The following DOCK9 variants were observed in gnomAD, a reference collection of about 807,000 sequenced individuals.
DOCK9 encodes the protein dedicator of cytokinesis protein 9.
DOCK9 carries 89 observed loss-of-function variants against 263.3 expected under a neutral mutation model. That is an observed-to-expected ratio of 0.34 (90% confidence interval 0.28 to 0.40). DOCK9 has a LOEUF of 0.40. DOCK9 is among the 10% of genes least tolerant of loss of function. DOCK9 has a pLI of 1.00. For missense variants in DOCK9, 2,140 were observed against 2,603.4 expected (o/e 0.82, Z 3.87); for synonymous variants, 976 against 973.1 (o/e 1.00, Z -0.06).
chr13:98,858,441 G>C (rs1337023308), intron 33 of DOCK9: 1 of 152,174 alleles, frequency 6.6e-6, no homozygotes, highest in South Asian at 2.1e-4. Context: ...TGTGGAAACA[G>C]GATTCTTCTA....
upstream of DOCK9, chr13:99,088,313 G>A (rs2042392905): frequency 6.6e-6 from 1 of 152,256 alleles, no homozygotes; most frequent in Non-Finnish European, 1.5e-5. Flanking sequence ...AGTGGAGCTG[G>A]GTGACAGAGC....
rs529588152 is a variant in DOCK9 at position 98,881,906 on chromosome 13, C to T, written c.2661G>A (p.Ala887=). 32 of 1,580,710 alleles carry T rather than the reference C, an allele frequency of 2.0e-5. No individual in the cohort carries two copies. The highest frequency in any genetic ancestry group is 4.0e-5 in the African/African-American group (3 of 74,484). ...VLTRATQEEV[A]VNVTRVIIHV... ...ACCTCCCTTACCGAGTCACGTTAAC[C>T]GCGACTTCTTCCTGTGTGGCTCTGG... Residue 887 remains alanine, a synonymous_variant, in exon 24 of 53, where the codon GCG becomes GCA. Coordinates refer to ENST00000682017, the MANE Select transcript of DOCK9 (RefSeq NM_001366683.2).
chr13:98,864,665 C>T (rs533111232), intron 30 of DOCK9, among the ~76,000 whole-genome samples: 22 of 152,286 alleles, frequency 1.4e-4, no homozygotes, highest in African/African-American at 4.8e-4. Context: ...AGTGTGCTCA[C>T]ACATCTATGG....
intron 13 of DOCK9, among the ~76,000 whole-genome samples, chr13:98,900,551 G>A (rs2048113840): frequency 6.6e-6 from 1 of 152,188 alleles, no homozygotes; most frequent in South Asian, 2.1e-4. Flanking sequence ...CTGGGTAAAT[G>A]GGCTTTTACT....
chr13:99,073,237 C>T (rs532372516), intron 1 of DOCK9, among the ~76,000 whole-genome samples: 3 of 152,266 alleles, frequency 2.0e-5, no homozygotes, highest in Non-Finnish European at 4.4e-5. Flanking sequence ...TGTCAATTCC[C>T]ATGCTTTGCC....
intron 2 of DOCK9, among the ~76,000 whole-genome samples, chr13:98,931,194 A>G (rs1248213406): frequency 2.6e-5 from 4 of 152,238 alleles, no homozygotes; most frequent in African/African-American, 9.6e-5. Context: ...TTAGGCTTAA[A>G]TGCTTCTTTT....
At chr13:98,925,323 A>C (rs2140165251) in intron 4 of DOCK9, among the ~76,000 whole-genome samples, 1 of 152,314 alleles carries the variant, frequency 6.6e-6, no homozygotes, top group African/African-American at 2.4e-5. Context: ...ACAACTATTC[A>C]ATCTAAATAC....
chr13:98,951,914 T>TTTTTTTTTTTTTTTTTTTTA (rs2057467177), intron 2 of DOCK9, among the ~76,000 whole-genome samples: 2 of 151,332 alleles, frequency 1.3e-5, no homozygotes, highest in Non-Finnish European at 2.9e-5. Context: ...TTTTTTTTTT[T>TTTTTTTTTTTTTTTTTTTTA]GAGATGGAGT....
At chr13:98,955,733 C>T (rs1318308448) in intron 1 of DOCK9, among the ~76,000 whole-genome samples, 182 bp from the exon 2 acceptor site, 2 of 152,198 alleles carry the variant, frequency 1.3e-5, no homozygotes, top group Admixed American at 1.3e-4. Flanking sequence ...TGGGTGGTGT[C>T]CTGCTACACA....
chr13:98,996,957 G>T (rs1881192210), intron 1 of DOCK9, among the ~76,000 whole-genome samples: 1 of 152,186 alleles, frequency 6.6e-6, no homozygotes, highest in Admixed American at 6.5e-5. Flanking sequence ...AGTCCAATCG[G>T]TACTCATTCC....
At chr13:98,804,891 C>A in intron 49 of DOCK9, 108 bp downstream of exon 49, 1 of 1,134,408 alleles carries the variant, frequency 8.8e-7, no homozygotes, top group South Asian at 1.5e-5. Flanking sequence ...GTGGGGGTGG[C>A]TAACTGAGCT....
At chr13:98,923,498 C>T in intron 4 of DOCK9, 127 bp from the exon 5 acceptor site, 1 of 765,784 alleles carries the variant, frequency 1.3e-6, no homozygotes, top group Non-Finnish European at 2.2e-6. Context: ...TTTATTCAGA[C>T]AAAGAATAAA....
chr13:99,074,963 A>T (rs1397012781), intron 1 of DOCK9, among the ~76,000 whole-genome samples: 1 of 152,230 alleles, frequency 6.6e-6, no homozygotes, highest in Non-Finnish European at 1.5e-5. Flanking sequence ...GGTGGCTATG[A>T]AATCATTACA....
At chr13:99,008,228 A>T (rs1321069375) in intron 1 of DOCK9, among the ~76,000 whole-genome samples, 40 of 118,038 alleles carry the variant, frequency 3.4e-4, no homozygotes, top group African/African-American at 1.2e-3. Context: ...ATATATATAT[A>T]TATATATTTT....
intron 1 of DOCK9, among the ~76,000 whole-genome samples, chr13:98,996,758 A>G (rs1222427465): frequency 2.0e-5 from 3 of 152,214 alleles, no homozygotes; most frequent in Admixed American, 6.5e-5. Context: ...TTCTTCTTCC[A>G]GTGTGGCCCA....
Position 98,883,838 on chromosome 13 carries a change from T to C in DOCK9, c.2444A>G (p.His815Arg), listed in dbSNP as rs369454715. The C allele has an allele frequency of 1.9e-6, 3 of 1,612,344 alleles. No homozygotes were observed. The highest frequency in any genetic ancestry group is 1.3e-5 in the African/African-American group (1 of 74,902). ...GGKPLLKIST[H>R]LVSTVYTQDQ... Reference sequence around the variant, plus strand: ...CTGAGTATACACTGTAGAAACCAGATGAGTGGAAATTTTCAGCAGTGGCTT... The same window carrying C: ...CTGAGTATACACTGTAGAAACCAGACGAGTGGAAATTTTCAGCAGTGGCTT... Residue 815 changes from histidine to arginine, a missense_variant, in exon 22 of 53, where the codon CAT becomes CGT. By Grantham distance (29) the His-to-Arg change is conservative. This residue lies in a region of DOCK9 where 1,521 missense variants were observed against 1,741.7 expected (regional missense o/e 0.87). Transcript: ENST00000682017.
At chr13:98,958,540 A>G (rs1196408502) in intron 1 of DOCK9, among the ~76,000 whole-genome samples, 1 of 152,256 alleles carries the variant, frequency 6.6e-6, no homozygotes, top group African/African-American at 2.4e-5. Flanking sequence ...CACAACTGGT[A>G]AACTCTGCCA....
intron 27 of DOCK9, among the ~76,000 whole-genome samples, chr13:98,872,468 A>C (rs1014108923): frequency 6.6e-6 from 1 of 151,874 alleles, no homozygotes; most frequent in Non-Finnish European, 1.5e-5. Flanking sequence ...GTGCACTGGC[A>C]CAATCACAGC....
chr13:98,951,864 C>T (rs2057452823), intron 2 of DOCK9, among the ~76,000 whole-genome samples: 1 of 151,346 alleles, frequency 6.6e-6, no homozygotes, highest in Admixed American at 6.6e-5. Flanking sequence ...CTGTCCCTGG[C>T]CATGGCAGAT....
Sources: gnomAD v4.1 joint callset for allele counts (sites outside exome capture counted in the v4.1 genomes callset) on GRCh38, gnomAD v4.1.1 for gene constraint, gnomAD v4.1.1 regional missense constraint, MANE v1.5 for transcripts, NCBI Gene and HGNC (gene_info 2026-07-23, HGNC 2026-07-21) for gene names.